Variants in SLC10A7 observed in about 807,000 individuals in gnomAD.
SLC10A7 encodes sodium/bile acid cotransporter 7.
SLC10A7 carries 29 observed loss-of-function variants against 43.2 expected under a neutral mutation model. The observed-to-expected ratio is 0.67, with a 90% confidence interval of 0.50 to 0.92. SLC10A7 has a LOEUF of 0.92. Ranked by LOEUF, SLC10A7 falls within the 40% of genes least tolerant of loss-of-function variation. SLC10A7 has a pLI of 0.00. For synonymous variants in SLC10A7, 152 were observed against 144.8 expected (o/e 1.05, Z -0.35); for missense variants, 295 against 403.2 (o/e 0.73, Z 2.30).
intron 4 of SLC10A7, among the ~76,000 whole-genome samples, chr4:146,473,101 C>T (rs796483966): frequency 3.3e-5 from 5 of 152,298 alleles, no homozygotes; most frequent in African/African-American, 1.2e-4. Flanking sequence ...ACTAATGTCT[C>T]TTTTAAATGT....
chr4:146,412,260 A>T lies in SLC10A7; in HGVS notation c.435+30523T>A, dbSNP rs376689036. The stretch of plus-strand genomic sequence containing the variant: ...TTTTCCTTTATCTTATCAATAGATA[A>T]TTTTAAAACAAGTTACTAATTAATG... On this transcript the variant is annotated intron_variant, in intron 5 of 11. Transcript: ENST00000335472. 3.9e-5 allele frequency among the ~76,000 whole-genome samples: 6 copies of T among 152,298 alleles called. No individual in the cohort carries two copies. In the East Asian group the frequency reaches 7.7e-4, roughly 20 times the overall value.
At chr4:146,513,060 T>C (rs910952665) in intron 2 of SLC10A7, among the ~76,000 whole-genome samples, 1 of 152,064 alleles carries the variant, frequency 6.6e-6, no homozygotes, top group Admixed American at 6.6e-5. Context: ...ATGTTTCACA[T>C]GGAATATCTC....
chr4:146,375,754 T>A (rs190883604), intron 5 of SLC10A7, among the ~76,000 whole-genome samples: 1 of 152,212 alleles, frequency 6.6e-6, no homozygotes, highest in African/African-American at 2.4e-5. Context: ...TGTGTTAGGG[T>A]TGTTTCCTCA....
At chr4:146,421,135 C>A (rs1211623120) in intron 5 of SLC10A7, among the ~76,000 whole-genome samples, 1 of 152,106 alleles carries the variant, frequency 6.6e-6, no homozygotes, top group Non-Finnish European at 1.5e-5. Flanking sequence ...TAATGGGCCA[C>A]TCTGCTAAGC....
chr4:146,296,342 A>G (rs1384879122), intron 7 of SLC10A7, among the ~76,000 whole-genome samples: 1 of 152,152 alleles, frequency 6.6e-6, no homozygotes, highest in African/African-American at 2.4e-5. Context: ...TTGAATCTAC[A>G]GATGCAGAAC....
At chr4:146,407,030 G>A (rs1727763949) in intron 5 of SLC10A7, among the ~76,000 whole-genome samples, 1 of 152,042 alleles carries the variant, frequency 6.6e-6, no homozygotes, top group Admixed American at 6.6e-5. Context: ...TTTACTGTGT[G>A]ATTCTGGTCT....
chr4:146,327,093 T>G (rs1475155072), intron 5 of SLC10A7, among the ~76,000 whole-genome samples: 6 of 152,146 alleles, frequency 3.9e-5, no homozygotes, highest in Non-Finnish European at 8.8e-5. Context: ...TTTTGGTATT[T>G]ACATGAAAGT....
intron 5 of SLC10A7, among the ~76,000 whole-genome samples, chr4:146,372,748 GGAATGGCA>G (rs1268829113): frequency 6.6e-6 from 1 of 152,086 alleles, no homozygotes; most frequent in East Asian, 1.9e-4. Flanking sequence ...AAAGGAGCAG[GGAATGGCA>G]GAATGGCAGA....
At chr4:146,470,804 C>CA (rs1354764461) in intron 4 of SLC10A7, among the ~76,000 whole-genome samples, 7 of 152,306 alleles carry the variant, frequency 4.6e-5, no homozygotes, top group African/African-American at 1.7e-4. Flanking sequence ...TGCAAATCTG[C>CA]AAAGCATGAC....
intron 5 of SLC10A7, among the ~76,000 whole-genome samples, chr4:146,378,245 G>A (rs1164017265): frequency 2.0e-5 from 3 of 152,174 alleles, no homozygotes; most frequent in South Asian, 2.1e-4. Context: ...AATCTGCTTC[G>A]TTATCAACAG....
rs143526038 is a variant in SLC10A7 at position 146,333,236 on chromosome 4, C to T, written c.436-7240G>A. Reference sequence around the variant, plus strand: ...AAGGGTCTTCTACACTTATATTAAACATTAGCTTATTAGATTTGGCCTATT... The same window carrying T: ...AAGGGTCTTCTACACTTATATTAAATATTAGCTTATTAGATTTGGCCTATT... On this transcript the variant is annotated intron_variant, in intron 5 of 11. Coordinates refer to ENST00000335472, the MANE Select transcript of SLC10A7 (RefSeq NM_001029998.6). Among the ~76,000 whole-genome samples, 618 of 152,166 alleles carry T rather than the reference C, an allele frequency of 4.1e-3. 3 individuals carry two copies. Among genetic ancestry groups the T allele is most frequent in the African/African-American group, 0.014 (587 of 41,524 alleles).
At chr4:146,469,263 G>A (rs1213519654) in intron 4 of SLC10A7, among the ~76,000 whole-genome samples, 1 of 152,304 alleles carries the variant, frequency 6.6e-6, no homozygotes, top group East Asian at 1.9e-4. Context: ...AGGCACAAAT[G>A]GTTGGTGAAG....
chr4:146,454,411 G>T (rs765146711), intron 4 of SLC10A7, among the ~76,000 whole-genome samples: 2 of 151,802 alleles, frequency 1.3e-5, no homozygotes, highest in East Asian at 3.9e-4. Flanking sequence ...ACAGGCAAAG[G>T]ATCTTTTCCA....
intron 5 of SLC10A7, among the ~76,000 whole-genome samples, chr4:146,342,918 T>C (rs963256997): frequency 6.6e-6 from 1 of 151,790 alleles, no homozygotes; most frequent in Non-Finnish European, 1.5e-5. Context: ...TGCACATAAA[T>C]AAGAAGAGTA....
At chr4:146,485,541 T>A (rs1473405514) in intron 4 of SLC10A7, among the ~76,000 whole-genome samples, 1 of 152,146 alleles carries the variant, frequency 6.6e-6, no homozygotes, top group Non-Finnish European at 1.5e-5. Context: ...AGAGCTGGTG[T>A]TCAAGGTAAT....
intron 5 of SLC10A7, among the ~76,000 whole-genome samples, chr4:146,354,108 G>C (rs1482151500): frequency 6.7e-6 from 1 of 148,364 alleles, no homozygotes; most frequent in Admixed American, 6.7e-5. Context: ...GTCCCTGTTT[G>C]CAGACGACAT....
At chr4:146,323,406 C>A (rs139844112) in intron 6 of SLC10A7, among the ~76,000 whole-genome samples, 9,826 of 152,022 alleles carry the variant, frequency 0.065, 425 homozygotes, top group South Asian at 0.19. Flanking sequence ...TTATTGTATA[C>A]GGTGTAAGGA....
In SLC10A7 at chr4:146,369,592, C is replaced by G. The variant is rs970610391; in HGVS notation, c.436-43596G>C. 2.6e-5 allele frequency among the ~76,000 whole-genome samples: 4 copies of G among 152,116 alleles called. No individual in the cohort carries two copies. The South Asian group carries it at 8.3e-4, about 32-fold the overall frequency. On this transcript the variant is annotated intron_variant, in intron 5 of 11. Coordinates refer to ENST00000335472, the MANE Select transcript of SLC10A7 (RefSeq NM_001029998.6). ...TCAGTGAACTTTCACCTTGTGATTC[C>G]TTTAACATGAGGGATCTCCAGCAGA...
rs184691002 is a variant in SLC10A7 at position 146,375,587 on chromosome 4, C to T, written c.436-49591G>A. On this transcript the variant is annotated intron_variant, in intron 5 of 11. Transcript: ENST00000335472. ...CTTTTTTGTTTTTGTTTCTCTTTTT[C>T]CTTACAACTTATCTCCTTTTAACAA... Among the ~76,000 whole-genome samples the T allele has an allele frequency of 4.1e-3, 627 of 152,230 alleles. 3 individuals are homozygous for T. Among genetic ancestry groups the T allele is most frequent in the Admixed American group, 0.02 (303 of 15,284 alleles).
Sources: allele counts gnomAD v4.1 joint callset (sites outside exome capture counted in the v4.1 genomes callset), GRCh38; gene constraint gnomAD v4.1.1; transcripts MANE v1.5; gene names NCBI Gene and HGNC (gene_info 2026-07-23, HGNC 2026-07-21).